The following MBD3 variants were observed in gnomAD, a reference collection of about 807,000 sequenced individuals.
MBD3 encodes methyl-CpG binding domain protein 3, also known as methyl-CpG-binding domain protein 3.
MBD3 carries 13 observed loss-of-function variants against 31.2 expected under a neutral mutation model. The observed-to-expected ratio is 0.42, with a 90% CI of 0.27 to 0.66. MBD3 has a LOEUF of 0.66. Among genes scored for constraint, MBD3 ranks in the 30% least tolerant of loss-of-function variants. The probability of loss-of-function intolerance (pLI) is 0.26; values close to 1 mark genes in which losing one functional copy is unlikely to be tolerated. For missense variants in MBD3, 440 were observed against 426.5 expected (o/e 1.03, Z -0.28); for synonymous variants, 223 against 187.4 (o/e 1.19, Z -1.55).
At chr19:1,581,650 T>C (rs1365894615) in intron 4 of MBD3, 5 of 346,460 alleles carry the variant, frequency 1.4e-5, no homozygotes, top group Non-Finnish European at 2.8e-5. Context: ...GAGGCTGTGC[T>C]GAGAGAACCA....
intron 2 of MBD3, 182 bp downstream of exon 2, chr19:1,584,873 C>T (rs910842806): frequency 4.8e-6 from 5 of 1,037,262 alleles, no homozygotes; most frequent in Admixed American, 2.8e-5. Flanking sequence ...CCGCGGGCCG[C>T]GTCCTCGCCA....
rs1917340448 is a variant in MBD3 at position 1,581,037 on chromosome 19, C to T, written c.677+55G>A. 1.1e-5 allele frequency: 17 copies of T among 1,606,562 alleles called. 1 individual carries two copies. The Admixed American group carries it at 2.8e-4, about 27-fold the overall frequency. On this transcript the variant is annotated intron_variant, in intron 5 of 6. Coordinates refer to ENST00000434436, the MANE Select transcript of MBD3 (RefSeq NM_001281453.2). ...GCAGGCACACGGGGACACTCAGGGTCCCCACGGCCACAAGAGACAGGGTGG... is the reference window on the plus strand; with the variant it reads ...GCAGGCACACGGGGACACTCAGGGTTCCCACGGCCACAAGAGACAGGGTGG...
rs1166741138 is a variant in MBD3, at chr19:1,575,225, T to A, written c.*2939A>T. On this transcript the variant is annotated 3_prime_UTR_variant, in exon 7 of 7. Transcript: ENST00000434436. Reference sequence around the variant, plus strand: ...CGGGCGGATCACCTGAGGTTAGGAGTTCCAGACCAGACTGGCCAACATGGT... The same window carrying A: ...CGGGCGGATCACCTGAGGTTAGGAGATCCAGACCAGACTGGCCAACATGGT... The A allele has an allele frequency of 2.3e-6, 1 of 430,740 alleles. No homozygotes were observed. The highest frequency in any genetic ancestry group is 1.6e-5 in the South Asian group (1 of 62,344). The allele number at this position is 430,740 out of a possible 1,614,324, so 26.7% of individuals were successfully genotyped here. A position where few individuals can be genotyped will look rare whatever the true frequency, so the allele number is the denominator to read the frequency against.
chr19:1,582,748 C>T, intron 3 of MBD3, 36 bp from the exon 4 acceptor site: 1 of 1,566,916 alleles, frequency 6.4e-7, no homozygotes, highest in Non-Finnish European at 8.7e-7. Flanking sequence ...CAAGAGTGGC[C>T]CTGCCCTCTC....
rs1159034393 is a variant in MBD3 at position 1,578,432 on chromosome 19, G to GCGGCGCCTCCCCGTCACGGGC, written c.763_783dup (p.Ala255_Pro261dup). On this transcript the variant is annotated inframe_insertion, in exon 6 of 7. Coordinates refer to ENST00000434436, the MANE Select transcript of MBD3 (RefSeq NM_001281453.2). This position sits in a 1 kb window ranked among gnomAD's most constrained non-coding sequence, Gnocchi z 6.1. ...TCGTCCTCAGCGCAGGCCTTGTCCA[G>GCGGCGCCTCCCCGTCACGGGC]CGGCGCCTCCCCGTCACGGGCCAGC... The GCGGCGCCTCCCCGTCACGGGC allele has an allele frequency of 6.2e-7, 1 of 1,605,976 alleles. No individual in the cohort carries two copies. Among genetic ancestry groups the GCGGCGCCTCCCCGTCACGGGC allele is most frequent in the South Asian group, 1.1e-5 (1 of 91,070 alleles).
At chr19:1,582,592 C>A (rs761309548) in intron 4 of MBD3, 30 bp downstream of exon 4, 2 of 1,606,278 alleles carry the variant, frequency 1.2e-6, no homozygotes, top group African/African-American at 2.7e-5. Flanking sequence ...GGCACATCCC[C>A]TTCCGCCTCC....
At chr19:1,584,971 T>G (rs2060671472) in intron 2 of MBD3, 84 bp downstream of exon 2, 1 of 1,565,090 alleles carries the variant, frequency 6.4e-7, no homozygotes, top group Non-Finnish European at 8.7e-7. Flanking sequence ...GACGCCGGGC[T>G]GTGTCGCCTG....
At chr19:1,584,724 CGCGGAGCCTCAGGGGGT>C in intron 2 of MBD3, 47 bp from the exon 3 acceptor site, 1 of 1,587,320 alleles carries the variant, frequency 6.3e-7, no homozygotes. Flanking sequence ...GCCCCGGCGG[CGCGGAGCCTCAGGGGGT>C]GCGGGGCCCG....
Position 1,592,598 on chromosome 19 carries a change from G to T in MBD3, c.34C>A (p.Pro12Thr), listed in dbSNP as rs752693057. Residue 12 changes from proline (P) to threonine (T), a missense_variant, in exon 1 of 7, where the codon CCG becomes ACG. By Grantham distance (38) the Pro-to-Thr change is conservative. Coordinates refer to ENST00000434436, the MANE Select transcript of MBD3 (RefSeq NM_001281453.2). ...ERKRWECPALPQGWEREEVPR... is the reference protein window; with the variant it reads ...ERKRWECPALTQGWEREEVPR... ...ACTTCTTCCCTCTCCCAGCCCTGCG[G>T]GAGCGCCGGGCACTCCCACCTCTTC... 7.1e-7 allele frequency: 1 copy of T among 1,409,796 alleles called. No individual in the cohort carries two copies. The highest frequency in any genetic ancestry group is 1.2e-5 in the South Asian group (1 of 82,010). The allele number at this position is 1,409,796 out of a possible 1,614,324, so 87.3% of individuals were successfully genotyped here. A position where few individuals can be genotyped will look rare whatever the true frequency, so the allele number is the denominator to read the frequency against.
At chr19:1,592,309 C>T (rs2060707827) in intron 1 of MBD3, 1 of 163,984 alleles carries the variant, frequency 6.1e-6, no homozygotes, top group South Asian at 2.0e-4. Context: ...CAGCCAGTCC[C>T]TGAACGGCCG....
chr19:1,580,242 G>A (rs1291197122), intron 5 of MBD3, among the ~76,000 whole-genome samples: 1 of 152,198 alleles, frequency 6.6e-6, no homozygotes, highest in African/African-American at 2.4e-5. Flanking sequence ...CACGGCCGGA[G>A]GAGGATGCCG....
At chr19:1,587,408 C>CT (rs372109361) in intron 1 of MBD3, among the ~76,000 whole-genome samples, 2,029 of 148,592 alleles carry the variant, frequency 0.014, 44 homozygotes, top group African/African-American at 0.046. Context: ...TGCTTCATTT[C>CT]TTTTTTTTTT....
rs778673715 is a variant in MBD3 at position 1,578,327 on chromosome 19, C to T, written c.*5+8G>A. Reference sequence around the variant, plus strand: ...CGACTCCAGGGAGCCCCCGTGGCCCCGCAGCACCTGCCCTAGACGTGCTCC... The same window carrying T: ...CGACTCCAGGGAGCCCCCGTGGCCCTGCAGCACCTGCCCTAGACGTGCTCC... On this transcript the variant is annotated splice_region_variant and intron_variant, in intron 6 of 6. Transcript: ENST00000434436. This position sits in a 1 kb window ranked among gnomAD's most constrained non-coding sequence, Gnocchi z 6.1. 23 of 1,601,702 alleles carry T rather than the reference C, an allele frequency of 1.4e-5. No individual in the cohort carries two copies. Among genetic ancestry groups the T allele is most frequent in the Middle Eastern group, 1.9e-4 (1 of 5,154 alleles).
In MBD3 at chr19:1,578,859, C is replaced by A; in HGVS notation, c.678-321G>T. ...GGGCTCAGCTGTGTAAACCCTTGCT[C>A]CTGTCCCTTGACAGGCACTGAGTGG... On this transcript the variant is annotated intron_variant, in intron 5 of 6. Transcript: ENST00000434436. The surrounding 1 kb of genome is among the most constrained non-coding windows in gnomAD (Gnocchi z 6.1). 6.6e-6 allele frequency among the ~76,000 whole-genome samples: 1 copy of A among 152,166 alleles called. No homozygotes were observed. The highest frequency in any genetic ancestry group is 1.5e-5 in the Non-Finnish European group (1 of 68,020).
chr19:1,579,728 G>A (rs1428929483), intron 5 of MBD3, among the ~76,000 whole-genome samples: 5 of 152,050 alleles, frequency 3.3e-5, no homozygotes, highest in South Asian at 2.1e-4. Flanking sequence ...CCTACCTCCT[G>A]CGGAACCCAC....
At position 1,584,719 on chromosome 19, in the gene MBD3, G is replaced by A. The variant is rs754222950; in HGVS notation, c.271-42C>T. The A allele has an allele frequency of 1.8e-5, 28 of 1,592,644 alleles. 1 individual carries two copies. Among genetic ancestry groups the A allele is most frequent in the South Asian group, 1.4e-4 (13 of 90,546 alleles). Reference sequence around the variant, plus strand: ...ATGCAGTCCGGCCTGGGGGCGCCCCGGCGGCGCGGAGCCTCAGGGGGTGCG... The same window carrying A: ...ATGCAGTCCGGCCTGGGGGCGCCCCAGCGGCGCGGAGCCTCAGGGGGTGCG... On this transcript the variant is annotated intron_variant, in intron 2 of 6. Coordinates refer to ENST00000434436, the MANE Select transcript of MBD3 (RefSeq NM_001281453.2).
rs1245604065 is a variant in MBD3, at chr19:1,573,854, T to A, written c.*4310A>T. The A allele has an allele frequency of 1.3e-5, 2 of 151,996 alleles. No individual in the cohort carries two copies. The highest frequency in any genetic ancestry group is 2.9e-5 in the Non-Finnish European group (2 of 68,014). The allele number at this position is 151,996 out of a possible 1,614,324, so 9.4% of individuals were successfully genotyped here. A position where few individuals can be genotyped will look rare whatever the true frequency, so the allele number is the denominator to read the frequency against. ...CTGTCTCTACTAAAAGTACAAAGAT[T>A]AGCTGGGTGTGGTGGCGGGCGCCCG... On this transcript the variant is annotated 3_prime_UTR_variant, in exon 7 of 7. Coordinates refer to ENST00000434436, the MANE Select transcript of MBD3 (RefSeq NM_001281453.2).
rs2060674140 is a variant in MBD3 at position 1,585,326 on chromosome 19, C to T, written c.111-112G>A. ...CCCCAGCTTCAGGTCGCGACCCCAG[C>T]CCCAGACCCCAACACGGCCCTGACC... On this transcript the variant is annotated intron_variant, in intron 1 of 6. Coordinates refer to ENST00000434436, the MANE Select transcript of MBD3 (RefSeq NM_001281453.2). This position sits in a 1 kb window ranked among gnomAD's most constrained non-coding sequence, Gnocchi z 4.1. 1 of 1,234,676 alleles carries T rather than the reference C, an allele frequency of 8.1e-7. No homozygotes were observed. The highest frequency in any genetic ancestry group is 1.4e-5 in the South Asian group (1 of 70,600). The allele number at this position is 1,234,676 out of a possible 1,614,324, so 76.5% of individuals were successfully genotyped here. A position where few individuals can be genotyped will look rare whatever the true frequency, so the allele number is the denominator to read the frequency against.
rs765173827 is a variant in MBD3 at position 1,582,901 on chromosome 19, G to A, written c.409-189C>T. ...TTCCACAGCCAGGGATCCAGTGGAC[G>A]TTTGTAAATAAGAATAAAAAATACA... On this transcript the variant is annotated intron_variant, in intron 3 of 6. Coordinates refer to ENST00000434436, the MANE Select transcript of MBD3 (RefSeq NM_001281453.2). Among the ~76,000 whole-genome samples the A allele has an allele frequency of 5.3e-5, 8 of 152,120 alleles. 1 individual carries two copies. The highest frequency in any genetic ancestry group is 2.1e-4 in the South Asian group (1 of 4,818).
Sources: gnomAD v4.1 joint callset for allele counts (sites outside exome capture counted in the v4.1 genomes callset) on GRCh38, gnomAD v4.1.1 for gene constraint, Gnocchi (gnomAD v3.1) non-coding constraint, MANE v1.5 for transcripts, NCBI Gene and HGNC (gene_info 2026-07-23, HGNC 2026-07-21) for gene names.